Variants in NRG3 observed in about 807,000 individuals in gnomAD.
NRG3 encodes neuregulin 3.
NRG3 carries 31 observed loss-of-function variants against 66.9 expected under a neutral mutation model. The ratio of observed to expected loss-of-function variants is 0.46; its 90% confidence interval spans 0.35 to 0.63. NRG3 has a LOEUF of 0.63. Among genes scored for constraint, NRG3 ranks in the 20% least tolerant of loss-of-function variants. The pLI is 0.00. For synonymous variants in NRG3, 393 were observed against 359.4 expected, an observed-to-expected ratio of 1.09 and a Z score of -1.06; for missense variants, 910 against 878.9, an observed-to-expected ratio of 1.04 and a Z score of -0.45.
At chr10:81,918,223 A>C (rs1845894038) in intron 1 of NRG3, among the ~76,000 whole-genome samples, 1 of 152,148 alleles carries the variant, frequency 6.6e-6, no homozygotes, top group Non-Finnish European at 1.5e-5. Flanking sequence ...TCCCCATCTT[A>C]TTCCAGAAAG....
intron 4 of NRG3, among the ~76,000 whole-genome samples, chr10:82,944,600 T>C (rs1848841222): frequency 6.6e-6 from 1 of 152,194 alleles, no homozygotes; most frequent in Non-Finnish European, 1.5e-5. Flanking sequence ...ATCCCTTCAA[T>C]TTGAATCTTT....
At chr10:82,442,019 G>A (rs990359815) in intron 2 of NRG3, among the ~76,000 whole-genome samples, 9 of 152,110 alleles carry the variant, frequency 5.9e-5, no homozygotes, top group South Asian at 2.1e-4. Flanking sequence ...CCTCAAGTTC[G>A]AATTTCTTCA....
intron 3 of NRG3, among the ~76,000 whole-genome samples, chr10:82,812,683 C>T (rs546010318): frequency 6.6e-6 from 1 of 152,024 alleles, no homozygotes; most frequent in African/African-American, 2.4e-5. Flanking sequence ...TAAAAATTAG[C>T]ATAAGAGTTA....
intron 1 of NRG3, among the ~76,000 whole-genome samples, chr10:82,145,061 T>C (rs779035295): frequency 6.6e-6 from 1 of 152,176 alleles, no homozygotes; most frequent in East Asian, 1.9e-4. Context: ...TGTATCTCTT[T>C]AAAGGGGATG....
chr10:82,212,825 TG>T (rs2075466654), intron 1 of NRG3, among the ~76,000 whole-genome samples: 2 of 152,234 alleles, frequency 1.3e-5, no homozygotes, highest in African/African-American at 4.8e-5. Context: ...TAACATCTGA[TG>T]TGCATTATGA....
Position 82,035,806 on chromosome 10 carries a change from A to G in NRG3, c.823+159643A>G, listed in dbSNP as rs565756194. Reference sequence around the variant, plus strand: ...TATCTTTAGGATGAAGTTGCATAGTACAAAACAACTTTTTGTGAATAAAGT... The same window carrying G: ...TATCTTTAGGATGAAGTTGCATAGTGCAAAACAACTTTTTGTGAATAAAGT... On this transcript the variant is annotated intron_variant, in intron 1 of 8. Coordinates refer to ENST00000372141, the MANE Select transcript of NRG3 (RefSeq NM_001010848.4). Among the ~76,000 whole-genome samples the G allele has an allele frequency of 3.7e-3, 556 of 152,258 alleles. 3 individuals carry two copies. Among genetic ancestry groups the G allele is most frequent in the African/African-American group, 0.013 (525 of 41,572 alleles).
rs1057106025 is a variant in NRG3, at chr10:82,243,962, AT to A, written c.824-114770del. ...CTGTCTGGAAATTTTTGTTAGACTA[AT>A]TTTTTTAAATGTTAATTATGATGCT... is the stretch of plus-strand genomic sequence containing the variant. On this transcript the variant is annotated intron_variant, in intron 1 of 8. Coordinates refer to ENST00000372141, the MANE Select transcript of NRG3 (RefSeq NM_001010848.4). Among the ~76,000 whole-genome samples the A allele has an allele frequency of 2.6e-5, 4 of 152,076 alleles. No homozygotes were observed. In the East Asian group the frequency reaches 7.7e-4, roughly 29 times the overall value.
At chr10:82,371,922 A>G (rs971452430) in intron 2 of NRG3, among the ~76,000 whole-genome samples, 1 of 152,166 alleles carries the variant, frequency 6.6e-6, no homozygotes, top group South Asian at 2.1e-4. Context: ...ATCTGCTCTC[A>G]TGACTCAAAT....
At chr10:82,000,238 A>T (rs908260109) in intron 1 of NRG3, among the ~76,000 whole-genome samples, 1 of 152,208 alleles carries the variant, frequency 6.6e-6, no homozygotes. Flanking sequence ...GATTGTATAT[A>T]CATTTTTGAA....
chr10:82,494,318 A>G (rs565859492), intron 2 of NRG3, among the ~76,000 whole-genome samples: 1 of 152,284 alleles, frequency 6.6e-6, no homozygotes, highest in East Asian at 1.9e-4. Flanking sequence ...AAAGATTTCA[A>G]TTAGTAAAAA....
chr10:82,648,109 G>T lies in NRG3; in HGVS notation c.954-90468G>T, dbSNP rs564369855. Among the ~76,000 whole-genome samples, 409 of 151,584 alleles carry T rather than the reference G, an allele frequency of 2.7e-3. 2 individuals carry two copies. Among genetic ancestry groups the T allele is most frequent in the African/African-American group, 8.4e-3 (346 of 41,364 alleles). ...CTATGTCCTGAATGGTACTGCCTAG[G>T]TTTTCTTCTAGGGTTTTTATGGTTT... On this transcript the variant is annotated intron_variant, in intron 2 of 8. Transcript: ENST00000372141.
At position 82,364,469 on chromosome 10, in the gene NRG3, C is replaced by A. The variant is rs189788939; in HGVS notation, c.953+5601C>A. On this transcript the variant is annotated intron_variant, in intron 2 of 8. Coordinates refer to ENST00000372141, the MANE Select transcript of NRG3 (RefSeq NM_001010848.4). Reference sequence around the variant, plus strand: ...ATATTCTGAATAAAATCAGAATATTCTATGATCTTTTCATTTTTATGCCAT... The same window carrying A: ...ATATTCTGAATAAAATCAGAATATTATATGATCTTTTCATTTTTATGCCAT... Among the ~76,000 whole-genome samples, 675 of 152,192 alleles carry A rather than the reference C, an allele frequency of 4.4e-3. 9 individuals carry two copies. Among genetic ancestry groups the A allele is most frequent in the South Asian group, 0.035 (169 of 4,818 alleles).
At chr10:82,781,519 T>C (rs138440196) in intron 3 of NRG3, among the ~76,000 whole-genome samples, 3 of 152,134 alleles carry the variant, frequency 2.0e-5, no homozygotes, top group Non-Finnish European at 4.4e-5. Flanking sequence ...GCTTAAACCA[T>C]ATCACCAGAA....
intron 1 of NRG3, among the ~76,000 whole-genome samples, chr10:82,207,125 A>G (rs1024763305): frequency 6.6e-6 from 1 of 152,144 alleles, no homozygotes; most frequent in African/African-American, 2.4e-5. Flanking sequence ...AGTGACCTTT[A>G]AGGTATGTTC....
intron 1 of NRG3, among the ~76,000 whole-genome samples, chr10:82,025,730 A>G (rs913521780): frequency 1.3e-5 from 2 of 152,136 alleles, no homozygotes; most frequent in Non-Finnish European, 2.9e-5. Context: ...GGTTACTAAG[A>G]GAATCCAAAA....
At chr10:82,070,168 T>C (rs12259492) in intron 1 of NRG3, among the ~76,000 whole-genome samples, 4,638 of 152,234 alleles carry the variant, frequency 0.03, 245 homozygotes, top group African/African-American at 0.11. Context: ...GCCAGGAAGC[T>C]TGACTGATGG....
chr10:82,707,111 C>A (rs972714174), intron 2 of NRG3, among the ~76,000 whole-genome samples: 2 of 150,072 alleles, frequency 1.3e-5, no homozygotes, highest in Non-Finnish European at 3.0e-5. Flanking sequence ...TACTCAATTT[C>A]ATCATATAAT....
chr10:82,585,009 T>C (rs566631084), intron 2 of NRG3, among the ~76,000 whole-genome samples: 2 of 148,584 alleles, frequency 1.3e-5, no homozygotes, highest in Non-Finnish European at 3.0e-5. Context: ...CATTGTCTTT[T>C]TTGGGGGGGG....
At chr10:81,964,207 A>G (rs2059639786) in intron 1 of NRG3, among the ~76,000 whole-genome samples, 2 of 152,130 alleles carry the variant, frequency 1.3e-5, no homozygotes, top group African/African-American at 4.8e-5. Context: ...CATATTCTAT[A>G]TATTGTGGTT....
Sources: gnomAD v4.1 joint callset for allele counts (sites outside exome capture counted in the v4.1 genomes callset) on GRCh38, gnomAD v4.1.1 for gene constraint, MANE v1.5 for transcripts, NCBI Gene and HGNC (gene_info 2026-07-23, HGNC 2026-07-21) for gene names.